The following L3MBTL2 variants were observed in gnomAD, a reference collection of about 807,000 sequenced individuals.
L3MBTL2 encodes the protein lethal(3)malignant brain tumor-like protein 2.
A neutral mutation model predicts 86.4 loss-of-function variants in L3MBTL2; 49 were observed. That is an observed-to-expected ratio of 0.57 (90% CI 0.45 to 0.72). The LOEUF is 0.72. Ranked by LOEUF, L3MBTL2 falls within the 30% of genes least tolerant of loss-of-function variation. The probability of loss-of-function intolerance (pLI) is 0.00; values close to 1 mark genes in which losing one functional copy is unlikely to be tolerated. For synonymous variants in L3MBTL2, 336 were observed against 350.6 expected (o/e 0.96, Z 0.47); for missense variants, 755 against 923.7 (o/e 0.82, Z 2.37).
chr22:41,226,754 CTG>C lies in L3MBTL2; in HGVS notation c.1587+11_1587+12del. ...GAGACTCTTTAACATGGTGAGGAGA[CTG>C]AAGTGGAGCAAGGGGCCTGCGGTGG... is the stretch of plus-strand genomic sequence containing the variant. On this transcript the variant is annotated intron_variant, in intron 13 of 16. Transcript: ENST00000216237. 3.7e-6 allele frequency: 6 copies of C among 1,606,934 alleles called. No homozygotes were observed. The East Asian group carries it at 1.3e-4, about 36-fold the overall frequency.
chr22:41,211,573 T>TTTTTTTTTTTTC lies in L3MBTL2; in HGVS notation c.262+1641_262+1642insTTTTTTTTTTCT, dbSNP rs758875511. Among the ~76,000 whole-genome samples, 28 of 139,568 alleles carry TTTTTTTTTTTTC rather than the reference T, an allele frequency of 2.0e-4. 1 individual carries two copies. Among genetic ancestry groups the TTTTTTTTTTTTC allele is most frequent in the Middle Eastern group, 3.9e-3 (1 of 256 alleles). 91.6% of individuals were successfully genotyped at this position (139,568 alleles called of 152,430 possible). On this transcript the variant is annotated intron_variant, in intron 2 of 16. Transcript: ENST00000216237. ...TCTTATTTCCTTTTTTTTTTTTTTT[T>TTTTTTTTTTTTC]TGAGACGGAGTCTTGCTCTGTCACC...
chr22:41,212,936 T>C (rs982923809), intron 2 of L3MBTL2, among the ~76,000 whole-genome samples: 2 of 142,698 alleles, frequency 1.4e-5, no homozygotes, highest in East Asian at 4.3e-4. Flanking sequence ...AACACTGATC[T>C]AGCTGGGCGC....
chr22:41,230,890 C>T lies in L3MBTL2; in HGVS notation c.*639C>T, dbSNP rs962576229. The T allele has an allele frequency of 2.0e-5, 3 of 152,216 alleles. No individual in the cohort carries two copies. Among genetic ancestry groups the T allele is most frequent in the Admixed American group, 1.3e-4 (2 of 15,272 alleles). 9.4% of individuals were successfully genotyped at this position (152,216 alleles called of 1,614,324 possible). ...GGATTTTGGCGACCTGTGTGGTGGC[C>T]TTGAGCTGCTTTCTGTGTTTGTGAG... On this transcript the variant is annotated 3_prime_UTR_variant, in exon 17 of 17. Transcript: ENST00000216237.
rs955605090 is a variant in L3MBTL2, at chr22:41,224,326, G to A, written c.1174+75G>A. Reference sequence around the variant, plus strand: ...ACGGAGTGGGAGCACCTTCCTACTCGTCACAGCAGGTCAGCAGGTGGAGGT... The same window carrying A: ...ACGGAGTGGGAGCACCTTCCTACTCATCACAGCAGGTCAGCAGGTGGAGGT... On this transcript the variant is annotated intron_variant, in intron 9 of 16. Transcript: ENST00000216237. The surrounding 1 kb of genome is among the most constrained non-coding windows in gnomAD (Gnocchi z 4.9). 10 of 1,157,814 alleles carry A rather than the reference G, an allele frequency of 8.6e-6. No individual in the cohort carries two copies. The highest frequency in any genetic ancestry group is 4.0e-5 in the Admixed American group (2 of 49,570). The allele number at this position is 1,157,814 out of a possible 1,614,324, so 71.7% of individuals were successfully genotyped here.
rs2030536473 is a variant in L3MBTL2 at position 41,209,476 on chromosome 22, T to C, written c.25-220T>C. On this transcript the variant is annotated intron_variant, in intron 1 of 16. Transcript: ENST00000216237. ...TCATTTGTAAATCCACAGAGGAGCC[T>C]GGTGAATTCCTAACACATATTTTCT... 3 of 518,834 alleles carry C rather than the reference T, an allele frequency of 5.8e-6. No homozygotes were observed. The Admixed American group carries it at 9.6e-5, about 17-fold the overall frequency. 32.1% of individuals were successfully genotyped at this position (518,834 alleles called of 1,614,324 possible).
At chr22:41,213,680 C>T (rs1474582419) in intron 2 of L3MBTL2, 10 of 485,998 alleles carry the variant, frequency 2.1e-5, no homozygotes, top group Non-Finnish European at 3.3e-5. Context: ...CTGTTGACAT[C>T]TGTAGCCAAG....
At chr22:41,228,201 C>T (rs1269852718) in intron 15 of L3MBTL2, 12 of 985,314 alleles carry the variant, frequency 1.2e-5, no homozygotes, top group South Asian at 4.7e-5. Flanking sequence ...CTGGGCAAGC[C>T]GCAGCTGCTA....
chr22:41,224,283 T>C lies in L3MBTL2; in HGVS notation c.1174+32T>C, dbSNP rs1388468886. 1.3e-6 allele frequency: 2 copies of C among 1,553,994 alleles called. No homozygotes were observed. Among genetic ancestry groups the C allele is most frequent in the Non-Finnish European group, 1.8e-6 (2 of 1,129,432 alleles). On this transcript the variant is annotated intron_variant, in intron 9 of 16. Transcript: ENST00000216237. The surrounding 1 kb of genome is among the most constrained non-coding windows in gnomAD (Gnocchi z 4.9). Reference sequence around the variant, plus strand: ...AGAGCCCCAGGCCAGAGGGACTGCATGCTGTGCTTCCCCAGGGACGGAGTG... The same window carrying C: ...AGAGCCCCAGGCCAGAGGGACTGCACGCTGTGCTTCCCCAGGGACGGAGTG...
intron 1 of L3MBTL2, among the ~76,000 whole-genome samples, chr22:41,207,427 T>G (rs1428048120): frequency 6.6e-6 from 1 of 151,798 alleles, no homozygotes; most frequent in Non-Finnish European, 1.5e-5. Context: ...TTCCCTATGT[T>G]GCCCAGTCTG....
At chr22:41,221,532 C>T (rs976932393) in intron 8 of L3MBTL2, among the ~76,000 whole-genome samples, 2 of 152,222 alleles carry the variant, frequency 1.3e-5, no homozygotes, top group African/African-American at 4.8e-5. Flanking sequence ...GCTTTGTCTG[C>T]CTTTTGCTCT....
intron 5 of L3MBTL2, 64 bp downstream of exon 5, chr22:41,217,266 G>A: frequency 7.7e-7 from 1 of 1,301,706 alleles, no homozygotes; most frequent in Middle Eastern, 2.1e-4. Context: ...TCCTCCACCT[G>A]CTTCACCAGG....
intron 2 of L3MBTL2, among the ~76,000 whole-genome samples, chr22:41,213,174 G>A (rs532798217): frequency 2.6e-5 from 4 of 152,278 alleles, no homozygotes; most frequent in African/African-American, 7.2e-5. Context: ...CCAAGATTGC[G>A]CCAGTGTACT....
chr22:41,215,309 G>A (rs542654502), intron 3 of L3MBTL2, among the ~76,000 whole-genome samples: 2 of 152,294 alleles, frequency 1.3e-5, no homozygotes, highest in East Asian at 3.9e-4. Flanking sequence ...TGGTTTGGGA[G>A]TACTTGCTAA....
chr22:41,230,501 C>A lies in L3MBTL2; in HGVS notation c.*250C>A. 2.1e-6 allele frequency: 1 copy of A among 479,956 alleles called. No homozygotes were observed. Among genetic ancestry groups the A allele is most frequent in the African/African-American group, 2.0e-5 (1 of 50,254 alleles). The allele number at this position is 479,956 out of a possible 1,614,324, so 29.7% of individuals were successfully genotyped here. ...GGCCCCAGAACTCGTCTGTGAACCA[C>A]CTTTTCCAGCCAGAGTTCCCAAAGC... is the stretch of plus-strand genomic sequence containing the variant. On this transcript the variant is annotated 3_prime_UTR_variant, in exon 17 of 17. Coordinates refer to ENST00000216237, the MANE Select transcript of L3MBTL2 (RefSeq NM_031488.5).
rs774530285 is a variant in L3MBTL2, at chr22:41,220,870, T to C, written c.853+2T>C. Reference sequence around the variant, plus strand: ...GCAAGATCCTAGTGCCCCCACGGAGTGAGTTGATGAGAACATTTCCTCTCT... The same window carrying C: ...GCAAGATCCTAGTGCCCCCACGGAGCGAGTTGATGAGAACATTTCCTCTCT... On this transcript the variant is annotated splice_donor_variant, in intron 7 of 16. Transcript: ENST00000216237. LOFTEE classifies it high-confidence loss of function. 2 of 1,610,750 alleles carry C rather than the reference T, an allele frequency of 1.2e-6. No individual in the cohort carries two copies. The highest frequency in any genetic ancestry group is 4.5e-5 in the East Asian group (2 of 44,700).
chr22:41,219,448 G>A lies in L3MBTL2; in HGVS notation c.630G>A (p.Val210=). 1 of 1,613,816 alleles carries A rather than the reference G, an allele frequency of 6.2e-7. No homozygotes were observed. The highest frequency in any genetic ancestry group is 1.7e-5 in the Admixed American group (1 of 60,014). Residue 210 remains valine (V), a synonymous_variant, in exon 6 of 17, where the codon GTG becomes GTA. Transcript: ENST00000216237. The part of the protein sequence containing the change: ...HVPLYDQWED[V]MKGMKVEVLN... The stretch of plus-strand genomic sequence containing the variant: ...CACTCTATGACCAGTGGGAGGATGT[G>A]ATGAAAGGGATGAAGGTGGAGGTGC...
At position 41,216,194 on chromosome 22, in the gene L3MBTL2, A is replaced by C; in HGVS notation, c.452A>C (p.Lys151Thr). 6.2e-7 allele frequency: 1 copy of C among 1,614,134 alleles called. No individual in the cohort carries two copies. Among genetic ancestry groups the C allele is most frequent in the Non-Finnish European group, 8.5e-7 (1 of 1,179,996 alleles). Residue 151 changes from lysine (K) to threonine (T), a missense_variant, in exon 4 of 17, where the codon AAA becomes ACA. Lys to Thr is a moderately conservative substitution (Grantham distance 78). Coordinates refer to ENST00000216237, the MANE Select transcript of L3MBTL2 (RefSeq NM_031488.5). ...KVLHKAAWSA[K>T]IGAFLHSQGT... ...CTGCACAAGGCTGCCTGGTCTGCCAAAATTGGAGCCTTCCTCCACTCTCAA... is the reference window on the plus strand; with the variant it reads ...CTGCACAAGGCTGCCTGGTCTGCCACAATTGGAGCCTTCCTCCACTCTCAA...
chr22:41,230,071 G>C, intron 16 of L3MBTL2, 68 bp from the exon 17 acceptor site: 1 of 1,056,790 alleles, frequency 9.5e-7, no homozygotes, highest in Non-Finnish European at 1.4e-6. Flanking sequence ...CCCTTTCCCA[G>C]CTCCTCCGCC....
chr22:41,227,399 C>A lies in L3MBTL2; in HGVS notation c.1822+76C>A. The A allele has an allele frequency of 7.1e-7, 1 of 1,402,946 alleles. No individual in the cohort carries two copies. Among genetic ancestry groups the A allele is most frequent in the Non-Finnish European group, 9.9e-7 (1 of 1,014,446 alleles). The allele number at this position is 1,402,946 out of a possible 1,614,324, so 86.9% of individuals were successfully genotyped here. ...TTTCCTTCTTCCCCCGCCCCTGTGC[C>A]CATCTCCGTTCTTTGGCATGAGGTG... On this transcript the variant is annotated intron_variant, in intron 14 of 16. Coordinates refer to ENST00000216237, the MANE Select transcript of L3MBTL2 (RefSeq NM_031488.5). This position sits in a 1 kb window ranked among gnomAD's most constrained non-coding sequence, Gnocchi z 6.0.
Sources: gnomAD v4.1 joint callset for allele counts (sites outside exome capture counted in the v4.1 genomes callset) on GRCh38, gnomAD v4.1.1 for gene constraint, Gnocchi (gnomAD v3.1) non-coding constraint, MANE v1.5 for transcripts, NCBI Gene and HGNC (gene_info 2026-07-23, HGNC 2026-07-21) for gene names.